TLCD5: variants seen among roughly 807,000 people sequenced by gnomAD.
TLCD5 encodes TLC domain-containing protein 5.
A neutral mutation model predicts 20.5 loss-of-function variants in TLCD5; 15 were observed. The ratio of observed to expected loss-of-function variants is 0.73; its 90% CI spans 0.49 to 1.13. TLCD5 has a LOEUF of 1.13. TLCD5 is among the 50% of genes most tolerant of loss of function. The probability of loss-of-function intolerance (pLI) is 0.00; values close to 1 mark genes in which losing one functional copy is unlikely to be tolerated. For missense variants in TLCD5, 289 were observed against 305.6 expected, an observed-to-expected ratio of 0.95 and a Z score of 0.41; for synonymous variants, 107 against 114.7, an observed-to-expected ratio of 0.93 and a Z score of 0.43.
chr11:120,328,912 G>C (rs1468452964), intron 2 of TLCD5, among the ~76,000 whole-genome samples: 2 of 137,368 alleles, frequency 1.5e-5, no homozygotes, highest in East Asian at 4.6e-4. Context: ...AAGGATAACA[G>C]TCATAGTGTG....
At chr11:120,328,842 A>T (rs1482910202) in intron 2 of TLCD5, among the ~76,000 whole-genome samples, 3 of 36,828 alleles carry the variant, frequency 8.1e-5, no homozygotes, top group African/African-American at 1.2e-4. Flanking sequence ...TAACAGTCAT[A>T]GTGTGTGTGT....
In TLCD5 at chr11:120,327,530, G is replaced by A. The variant is rs1215758984; in HGVS notation, c.89G>A (p.Arg30Gln). The change falls in exon 2 of 3, where the codon CGA (arginine) becomes CAA (glutamine). Residue 30 changes from arginine to glutamine, a missense_variant. Coordinates refer to ENST00000375095, the MANE Select transcript of TLCD5 (RefSeq NM_001198671.2). ...TCTTTCTGCCACCTGAATAAGCACC[G>A]AAGCTATGAGTGGAGCTGCCGCCTG... ...YISFCHLNKH[R>Q]SYEWSCRLVT... 24 of 1,614,016 alleles carry A rather than the reference G, an allele frequency of 1.5e-5. No homozygotes were observed. The highest frequency in any genetic ancestry group is 1.8e-5 in the Non-Finnish European group (21 of 1,180,024).
chr11:120,327,181 C>A (rs1942020026), intron 1 of TLCD5: 1 of 602,208 alleles, frequency 1.7e-6, no homozygotes, highest in South Asian at 2.1e-5. Context: ...TGATGTCAGC[C>A]TACCAGCTCG....
At chr11:120,329,741 C>T (rs1212201212) in intron 2 of TLCD5, among the ~76,000 whole-genome samples, 1 of 152,158 alleles carries the variant, frequency 6.6e-6, no homozygotes, top group African/African-American at 2.4e-5. Context: ...GATGCAAACT[C>T]ATTGAAGTCT....
At position 120,330,367 on chromosome 11, in the gene TLCD5, G is replaced by C. The variant is rs1942125598; in HGVS notation, c.590G>C (p.Gly197Ala). The C allele has an allele frequency of 6.2e-7, 1 of 1,613,768 alleles. No individual in the cohort carries two copies. The highest frequency in any genetic ancestry group is 8.5e-7 in the Non-Finnish European group (1 of 1,179,832). ...CCTAAGTGGTTTGTGAAGGCTGGGG[G>C]AGTAGCGATGTATGCTGTGTCTTGG... The part of the protein sequence containing the change: ...PTPKWFVKAG[G>A]VAMYAVSWCF... The change falls in exon 3 of 3, where the codon GGA becomes GCA. Residue 197 changes from glycine to alanine, a missense_variant. Physicochemically the swap from Gly to Ala is moderately conservative, Grantham distance 60. Transcript: ENST00000375095.
At chr11:120,325,905 C>T (rs1444512679) in intron 1 of TLCD5, among the ~76,000 whole-genome samples, 1 of 152,178 alleles carries the variant, frequency 6.6e-6, no homozygotes, top group Non-Finnish European at 1.5e-5. Context: ...CTCTGTTCTG[C>T]CAAGGAATTA....
rs142899575 is a variant in TLCD5, at chr11:120,328,430, A to T, written c.199+790A>T. On this transcript the variant is annotated intron_variant, in intron 2 of 2. Coordinates refer to ENST00000375095, the MANE Select transcript of TLCD5 (RefSeq NM_001198671.2). ...TGTATTAATTGGTTGGGGCTGCCAT[A>T]ACACAGTACCACAGAGTGGGTGGCT... Among the ~76,000 whole-genome samples the T allele has an allele frequency of 6.7e-3, 1,015 of 152,262 alleles. 11 individuals carry two copies. Among genetic ancestry groups the T allele is most frequent in the African/African-American group, 0.023 (964 of 41,540 alleles).
chr11:120,328,958 A>T (rs1282109514), intron 2 of TLCD5, among the ~76,000 whole-genome samples: 11 of 89,534 alleles, frequency 1.2e-4, no homozygotes, highest in African/African-American at 3.7e-4. Flanking sequence ...GTGTATGTTT[A>T]TGTATGCATA....
chr11:120,330,188 C>T lies in TLCD5; in HGVS notation c.411C>T (p.Asn137=), dbSNP rs1384630639. 3.2e-6 allele frequency: 5 copies of T among 1,578,698 alleles called. No homozygotes were observed. The highest frequency in any genetic ancestry group is 2.3e-5 in the East Asian group (1 of 43,674). Reference sequence around the variant, plus strand: ...TCCTCTTTGGAAGTGAGCTTACCAACCCCTTGCTACAGATGCGCTGGTTTC... The same window carrying T: ...TCCTCTTTGGAAGTGAGCTTACCAATCCCTTGCTACAGATGCGCTGGTTTC... ...NAVLFGSELT[N]PLLQMRWFLR... The change falls in exon 3 of 3, where the codon AAC becomes AAT. Residue 137 remains asparagine, a synonymous_variant. Coordinates refer to ENST00000375095, the MANE Select transcript of TLCD5 (RefSeq NM_001198671.2).
chr11:120,327,306 A>G, intron 1 of TLCD5, 135 bp from the exon 2 acceptor site: 1 of 1,445,048 alleles, frequency 6.9e-7, no homozygotes. Flanking sequence ...TTGGCCGTGT[A>G]GATAAGGAAA....
rs141644346 is a variant in TLCD5, at chr11:120,330,038, C to T, written c.261C>T (p.Phe87=). ...GTCTCACCTTGGGCTACTTCATCTT[C>T]GACTTGGGCTGGTGCGTCTACTTTC... ...VLCLTLGYFI[F]DLGWCVYFQS... is the part of the protein sequence containing the mutation. Residue 87 remains phenylalanine (F), a synonymous_variant, in exon 3 of 3, where the codon TTC becomes TTT. Transcript: ENST00000375095. The T allele has an allele frequency of 6.8e-5, 109 of 1,614,176 alleles. No individual in the cohort carries two copies. Among genetic ancestry groups the T allele is most frequent in the African/African-American group, 3.1e-4 (23 of 75,054 alleles).
rs1449990971 is a variant in TLCD5 at position 120,331,531 on chromosome 11, CA to C, written c.*1017del. On this transcript the variant is annotated 3_prime_UTR_variant, in exon 3 of 3. Transcript: ENST00000375095. The surrounding 1 kb of genome is among the most constrained non-coding windows in gnomAD (Gnocchi z 4.5). ...CACAAGCAGTTCAGACACAGTAAGCCAGTCTTATCAGTTAATTGTGGGAGCC... is the reference window on the plus strand; with the variant it reads ...CACAAGCAGTTCAGACACAGTAAGCCGTCTTATCAGTTAATTGTGGGAGCC... 1.3e-5 allele frequency: 2 copies of C among 152,230 alleles called. No homozygotes were observed. The highest frequency in any genetic ancestry group is 4.8e-5 in the African/African-American group (2 of 41,462). 9.4% of individuals were successfully genotyped at this position (152,230 alleles called of 1,614,324 possible).
At chr11:120,327,381 C>T (rs1942024594) in intron 1 of TLCD5, 60 bp from the exon 2 acceptor site, 7 of 1,613,154 alleles carry the variant, frequency 4.3e-6, no homozygotes, top group Non-Finnish European at 5.9e-6. Flanking sequence ...ACAAAATGAC[C>T]CAGTGCTGTT....
At chr11:120,327,185 C>A in intron 1 of TLCD5, 1 of 606,866 alleles carries the variant, frequency 1.6e-6, no homozygotes, top group Non-Finnish European at 2.9e-6. Flanking sequence ...GTCAGCCTAC[C>A]AGCTCGGAGT....
At chr11:120,329,904 A>G in intron 2 of TLCD5, 73 bp from the exon 3 acceptor site, 1 of 1,488,288 alleles carries the variant, frequency 6.7e-7, no homozygotes, top group Non-Finnish European at 9.1e-7. Context: ...TTGAAAGACA[A>G]CAACATAGGA....
At chr11:120,327,309 T>C (rs1171721693) in intron 1 of TLCD5, 132 bp from the exon 2 acceptor site, 10 of 1,464,240 alleles carry the variant, frequency 6.8e-6, no homozygotes, top group Middle Eastern at 2.5e-4. Flanking sequence ...GCCGTGTAGA[T>C]AAGGAAAATA....
intron 2 of TLCD5, among the ~76,000 whole-genome samples, chr11:120,329,685 T>C (rs898094000): frequency 6.6e-6 from 1 of 152,236 alleles, no homozygotes; most frequent in African/African-American, 2.4e-5. Context: ...GATTTTATGC[T>C]GTTCCGCGGA....
intron 2 of TLCD5, among the ~76,000 whole-genome samples, chr11:120,329,507 C>T (rs956592536): frequency 2.0e-5 from 3 of 152,018 alleles, no homozygotes; most frequent in Non-Finnish European, 2.9e-5. Flanking sequence ...CCAGAATCTA[C>T]TTTCAGGATG....
At position 120,330,362 on chromosome 11, in the gene TLCD5, T is replaced by A. The variant is rs1274011677; in HGVS notation, c.585T>A (p.Ala195=). ...VSPTPKWFVK[A]GGVAMYAVSW... ...CCACGCCTAAGTGGTTTGTGAAGGC[T>A]GGGGGAGTAGCGATGTATGCTGTGT... Residue 195 remains alanine (A), a synonymous_variant, in exon 3 of 3, where the codon GCT becomes GCA. Coordinates refer to ENST00000375095, the MANE Select transcript of TLCD5 (RefSeq NM_001198671.2). 7 of 1,613,452 alleles carry A rather than the reference T, an allele frequency of 4.3e-6. No homozygotes were observed. In the East Asian group the frequency reaches 1.6e-4, roughly 36 times the overall value.
Sources: allele counts gnomAD v4.1 joint callset (sites outside exome capture counted in the v4.1 genomes callset), GRCh38; gene constraint gnomAD v4.1.1; non-coding constraint Gnocchi (gnomAD v3.1); transcripts MANE v1.5; gene names NCBI Gene and HGNC (gene_info 2026-07-23, HGNC 2026-07-21).